The following RARB variants were observed in gnomAD, a reference collection of about 807,000 sequenced individuals.
RARB encodes the protein retinoic acid receptor beta.
In RARB, 17 loss-of-function variants were observed where a neutral mutation model predicts 51.9. That is an observed-to-expected ratio of 0.33 (90% CI 0.22 to 0.49). The LOEUF is 0.49. Ranked by LOEUF, RARB falls within the 20% of genes least tolerant of loss-of-function variation. RARB has a pLI of 0.99. For synonymous variants in RARB, 215 were observed against 195.4 expected (o/e 1.10, Z -0.84); for missense variants, 369 against 550.8 (o/e 0.67, Z 3.30).
At chr3:25,221,116 C>A (rs752157059) in intron 5 of RARB, among the ~76,000 whole-genome samples, 2 of 151,860 alleles carry the variant, frequency 1.3e-5, no homozygotes, top group Non-Finnish European at 2.9e-5. Flanking sequence ...GATTTTCATA[C>A]AAGATACAGA....
At chr3:25,550,070 C>T (rs993061511) in intron 3 of RARB, among the ~76,000 whole-genome samples, 4 of 151,884 alleles carry the variant, frequency 2.6e-5, no homozygotes, top group African/African-American at 4.8e-5. Context: ...ACATTCCAAG[C>T]ATAAAGAGAG....
intron 5 of RARB, among the ~76,000 whole-genome samples, chr3:25,281,067 G>T (rs746228733): frequency 1.3e-5 from 2 of 152,152 alleles, no homozygotes; most frequent in African/African-American, 4.8e-5. Flanking sequence ...TGCATTTATA[G>T]TACAAATAAG....
In RARB at chr3:25,593,673, A is replaced by T. The variant is rs1035220817; in HGVS notation, c.957A>T (p.Thr319=). ...CTTTGGAAATGGATGACACAGAAAC[A>T]GGCCTTCTCAGTGCCATCTGCTTAA... ...LLPLEMDDTE[T]GLLSAICLIC... The change falls in exon 6 of 8, where the codon ACA becomes ACT. Residue 319 remains threonine (T), a synonymous_variant. Coordinates refer to ENST00000330688, the MANE Select transcript of RARB (RefSeq NM_000965.5). 6.2e-7 allele frequency: 1 copy of T among 1,614,010 alleles called. No homozygotes were observed. The highest frequency in any genetic ancestry group is 1.3e-5 in the African/African-American group (1 of 74,926).
At chr3:24,901,519 A>G (rs1311523487) in intron 2 of RARB, among the ~76,000 whole-genome samples, 2 of 152,232 alleles carry the variant, frequency 1.3e-5, no homozygotes, top group Non-Finnish European at 2.9e-5. Context: ...GGGACTACAG[A>G]CAAGTGCCAC....
chr3:25,321,677 A>C (rs551118381), intron 5 of RARB, among the ~76,000 whole-genome samples: 1 of 152,166 alleles, frequency 6.6e-6, no homozygotes, highest in Admixed American at 6.5e-5. Context: ...AGATCATGCC[A>C]CTGTATCCCA....
intron 3 of RARB, among the ~76,000 whole-genome samples, chr3:25,503,301 G>T (rs1697409127): frequency 6.6e-6 from 1 of 152,214 alleles, no homozygotes; most frequent in Non-Finnish European, 1.5e-5. Context: ...TTCTGCTCTA[G>T]TTTTGGTCTG....
intron 4 of RARB, among the ~76,000 whole-genome samples, chr3:25,167,102 G>C (rs1423628109): frequency 6.6e-6 from 1 of 152,206 alleles, no homozygotes; most frequent in Non-Finnish European, 1.5e-5. Context: ...GTGGTCTTGA[G>C]TGAACCGTTT....
At chr3:24,884,858 A>G (rs1448971992) in intron 2 of RARB, among the ~76,000 whole-genome samples, 1 of 152,148 alleles carries the variant, frequency 6.6e-6, no homozygotes, top group African/African-American at 2.4e-5. Context: ...TATAACCTGA[A>G]TACAAGATGT....
At chr3:24,831,198 T>C (rs1000235458) in intron 1 of RARB, among the ~76,000 whole-genome samples, 1 of 152,212 alleles carries the variant, frequency 6.6e-6, no homozygotes, top group Non-Finnish European at 1.5e-5. Flanking sequence ...CTGCTGAATG[T>C]TGCTAAAGTA....
At chr3:25,000,493 G>T (rs1341911357) in intron 2 of RARB, among the ~76,000 whole-genome samples, 1 of 151,884 alleles carries the variant, frequency 6.6e-6, no homozygotes, top group Non-Finnish European at 1.5e-5. Context: ...TCCCTGCATG[G>T]AAGTCTTAAC....
At chr3:25,026,249 T>G (rs187299257) in intron 2 of RARB, among the ~76,000 whole-genome samples, 18 of 152,338 alleles carry the variant, frequency 1.2e-4, no homozygotes, top group Admixed American at 5.2e-4. Flanking sequence ...AGCAGTGTAT[T>G]AGTCTGCTAG....
At chr3:25,578,313 G>C (rs547705115) in intron 4 of RARB, among the ~76,000 whole-genome samples, 1 of 152,302 alleles carries the variant, frequency 6.6e-6, no homozygotes, top group South Asian at 2.1e-4. Context: ...CTTCCCTTCA[G>C]TTTGCATAAT....
chr3:25,397,947 T>C (rs954481641), intron 5 of RARB, among the ~76,000 whole-genome samples: 19 of 152,274 alleles, frequency 1.2e-4, no homozygotes, highest in African/African-American at 4.6e-4. Flanking sequence ...TAACTGGTTA[T>C]AATTCTTATA....
chr3:25,238,031 T>C (rs1702343425), intron 5 of RARB, among the ~76,000 whole-genome samples: 1 of 152,212 alleles, frequency 6.6e-6, no homozygotes, highest in Non-Finnish European at 1.5e-5. Context: ...TCTTCTGTTC[T>C]AGTTATTTTG....
intron 2 of RARB, among the ~76,000 whole-genome samples, chr3:24,953,292 T>C (rs1160310900): frequency 6.6e-6 from 1 of 152,054 alleles, no homozygotes; most frequent in Admixed American, 6.6e-5. Flanking sequence ...AAGAAATGCA[T>C]ATTCAAAAGG....
chr3:25,451,733 C>A (rs1709204062), intron 1 of RARB, among the ~76,000 whole-genome samples: 2 of 152,090 alleles, frequency 1.3e-5, no homozygotes, highest in African/African-American at 2.4e-5. Flanking sequence ...CAGACTGGTA[C>A]TAATGTGGTT....
intron 2 of RARB, among the ~76,000 whole-genome samples, chr3:24,992,574 T>C (rs898801482): frequency 1.3e-5 from 2 of 152,368 alleles, no homozygotes; most frequent in Admixed American, 6.5e-5. Context: ...AGAGTCTGCA[T>C]GGCTTAAATG....
At chr3:24,979,977 C>G (rs1472508137) in intron 2 of RARB, among the ~76,000 whole-genome samples, 2 of 152,186 alleles carry the variant, frequency 1.3e-5, no homozygotes, top group Non-Finnish European at 2.9e-5. Context: ...GTGACAAAAT[C>G]TTTCAGCATT....
intron 5 of RARB, among the ~76,000 whole-genome samples, chr3:25,331,395 G>A (rs1311397566): frequency 6.6e-5 from 10 of 152,106 alleles, no homozygotes; most frequent in Non-Finnish European, 1.3e-4. Context: ...TCAACTACAT[G>A]GAAACTGAAC....
Sources: gnomAD v4.1 joint callset for allele counts (sites outside exome capture counted in the v4.1 genomes callset) on GRCh38, gnomAD v4.1.1 for gene constraint, MANE v1.5 for transcripts, NCBI Gene and HGNC (gene_info 2026-07-23, HGNC 2026-07-21) for gene names.